The following NIBAN2 variants were observed in gnomAD, a reference collection of about 807,000 sequenced individuals.
NIBAN2 encodes the protein protein Niban 2.
In NIBAN2, 36 loss-of-function variants were observed where a neutral mutation model predicts 81.8. That is an observed-to-expected ratio of 0.44 (90% CI 0.34 to 0.58). The LOEUF is 0.58. NIBAN2 is among the 20% of genes least tolerant of loss of function. NIBAN2 has a pLI of 0.02. For missense variants in NIBAN2, 897 were observed against 1,014.1 expected, an observed-to-expected ratio of 0.88 and a Z score of 1.57; for synonymous variants, 445 against 441.6, an observed-to-expected ratio of 1.01 and a Z score of -0.10.
chr9:127,569,926 C>T (rs560582647), upstream of NIBAN2, among the ~76,000 whole-genome samples: 12 of 152,284 alleles, frequency 7.9e-5, no homozygotes, highest in East Asian at 2.3e-3. Flanking sequence ...CAGGCACCAG[C>T]CTATGGGGCT....
chr9:127,508,287 G>T lies in NIBAN2; in HGVS notation c.1435-87C>A. On this transcript the variant is annotated intron_variant, in intron 11 of 13. Coordinates refer to ENST00000373312, the MANE Select transcript of NIBAN2 (RefSeq NM_022833.4). This position sits in a 1 kb window ranked among gnomAD's most constrained non-coding sequence, Gnocchi z 6.4. ...GGACGAGGCCAGTGGTCTGACCCAAGCCTCCGAGTCCTCATCCGCACAAGA... is the reference window on the plus strand; with the variant it reads ...GGACGAGGCCAGTGGTCTGACCCAATCCTCCGAGTCCTCATCCGCACAAGA... 1 of 1,347,126 alleles carries T rather than the reference G, an allele frequency of 7.4e-7. No homozygotes were observed. The highest frequency in any genetic ancestry group is 1.1e-6 in the Non-Finnish European group (1 of 951,016). The allele number at this position is 1,347,126 out of a possible 1,614,324, so 83.4% of individuals were successfully genotyped here.
rs564652380 is a variant in NIBAN2 at position 127,531,230 on chromosome 9, C to T, written c.186+418G>A. On this transcript the variant is annotated intron_variant, in intron 2 of 13. Coordinates refer to ENST00000373312, the MANE Select transcript of NIBAN2 (RefSeq NM_022833.4). ...ATAGTGGCTCACACCTGCCTGTAAT[C>T]CCAGCATTTTGGGAGGCTAAGGCAG... Among the ~76,000 whole-genome samples, 9 of 150,640 alleles carry T rather than the reference C, an allele frequency of 6.0e-5. No homozygotes were observed. The South Asian group carries it at 1.9e-3, about 32-fold the overall frequency.
At position 127,509,138 on chromosome 9, in the gene NIBAN2, G is replaced by A. The variant is rs1312999461; in HGVS notation, c.1162-7C>T. On this transcript the variant is annotated splice_polypyrimidine_tract_variant and splice_region_variant and intron_variant, in intron 9 of 13. Transcript: ENST00000373312. ...GGGACAGCTTCTCCATGTACTGCAG[G>A]GGCCGGGGCCGCGGGGGCTGAGCAG... 1.1e-5 allele frequency: 17 copies of A among 1,606,588 alleles called. No homozygotes were observed. Among genetic ancestry groups the A allele is most frequent in the Non-Finnish European group, 1.4e-5 (17 of 1,178,330 alleles).
intron 5 of NIBAN2, among the ~76,000 whole-genome samples, chr9:127,518,921 C>T (rs1237183047): frequency 6.6e-6 from 1 of 152,144 alleles, no homozygotes; most frequent in Non-Finnish European, 1.5e-5. Flanking sequence ...TGCCTGCAAT[C>T]CCAGTACTTT....
chr9:127,552,684 G>GTTTTTTTTTTTTTTTTT (rs919155330), intron 1 of NIBAN2, among the ~76,000 whole-genome samples: 1 of 97,974 alleles, frequency 1.0e-5, no homozygotes, highest in Non-Finnish European at 2.0e-5. Flanking sequence ...TGGAATATTC[G>GTTTTTTTTTTTTTTTTT]TTTTTTTTTT....
intron 1 of NIBAN2, among the ~76,000 whole-genome samples, chr9:127,543,250 G>A (rs990176458): frequency 6.6e-6 from 1 of 152,136 alleles, no homozygotes; most frequent in Non-Finnish European, 1.5e-5. Flanking sequence ...CTCCTACCCC[G>A]AAGCTAATGG....
Position 127,508,070 on chromosome 9 carries a change from T to C in NIBAN2, c.1542+23A>G, listed in dbSNP as rs749146441. ...TCCCCCAACTTAGGGCCCAAACGGCTGGAGCAGGTGGGGGCTGCTCACCGA... is the reference window on the plus strand; with the variant it reads ...TCCCCCAACTTAGGGCCCAAACGGCCGGAGCAGGTGGGGGCTGCTCACCGA... On this transcript the variant is annotated intron_variant, in intron 12 of 13. Transcript: ENST00000373312. This position sits in a 1 kb window ranked among gnomAD's most constrained non-coding sequence, Gnocchi z 6.4. 2.5e-6 allele frequency: 4 copies of C among 1,611,728 alleles called. No homozygotes were observed. In the Admixed American group the frequency reaches 6.7e-5, roughly 27 times the overall value.
At chr9:127,534,328 C>T (rs1445012799) in intron 1 of NIBAN2, among the ~76,000 whole-genome samples, 1 of 152,214 alleles carries the variant, frequency 6.6e-6, no homozygotes, top group African/African-American at 2.4e-5. Flanking sequence ...GATGACATTT[C>T]ATTCCATCCT....
Position 127,563,854 on chromosome 9 carries a change from T to G in NIBAN2, c.55+4966A>C, listed in dbSNP as rs1837814776. The stretch of plus-strand genomic sequence containing the variant: ...AAAATCACTTTGGAAAGAAGCATTA[T>G]TTGTTTTGCTCAATAAATAATTAAG... On this transcript the variant is annotated intron_variant, in intron 1 of 13. Transcript: ENST00000373312. The surrounding 1 kb of genome is among the most constrained non-coding windows in gnomAD (Gnocchi z 4.1). Among the ~76,000 whole-genome samples, 3 of 152,188 alleles carry G rather than the reference T, an allele frequency of 2.0e-5. No individual in the cohort carries two copies. Among genetic ancestry groups the G allele is most frequent in the African/African-American group, 7.2e-5 (3 of 41,456 alleles).
rs1050916402 is a variant in NIBAN2 at position 127,508,364 on chromosome 9, G to A, written c.1434+58C>T. 24 of 1,470,478 alleles carry A rather than the reference G, an allele frequency of 1.6e-5. No individual in the cohort carries two copies. The highest frequency in any genetic ancestry group is 2.1e-5 in the Non-Finnish European group (22 of 1,060,628). 91.1% of individuals were successfully genotyped at this position (1,470,478 alleles called of 1,614,324 possible). A position where few individuals can be genotyped will look rare whatever the true frequency, so the allele number is the denominator to read the frequency against. ...AGCAATCCTGGTGGTGGCCGGGGATGAGGCTCGGGGCTCGGCCTCGCCTAG... is the reference window on the plus strand; with the variant it reads ...AGCAATCCTGGTGGTGGCCGGGGATAAGGCTCGGGGCTCGGCCTCGCCTAG... On this transcript the variant is annotated intron_variant, in intron 11 of 13. Coordinates refer to ENST00000373312, the MANE Select transcript of NIBAN2 (RefSeq NM_022833.4). The surrounding 1 kb of genome is among the most constrained non-coding windows in gnomAD (Gnocchi z 6.4).
At chr9:127,565,946 T>TCA (rs10682812) in intron 1 of NIBAN2, among the ~76,000 whole-genome samples, 3,511 of 130,562 alleles carry the variant, frequency 0.027, 106 homozygotes, top group Admixed American at 0.1. Context: ...TCTCTCTCTC[T>TCA]CACACACACA....
Position 127,523,755 on chromosome 9 carries a change from G to T in NIBAN2, c.513C>A (p.Tyr171Ter). ...ILWHPYARHY[Y>*]FCMMTEAEQD... ...GCTCGGCTTCTGTCATCATGCAGAA[G>T]TAGTAGTGACGCGCATAAGGATGCC... Residue 171 changes from tyrosine to a stop codon, truncating the protein, a stop_gained, in exon 5 of 14, where the codon TAC (tyrosine) becomes TAA (stop). Coordinates refer to ENST00000373312, the MANE Select transcript of NIBAN2 (RefSeq NM_022833.4). LOFTEE classifies it high-confidence loss of function. The T allele has an allele frequency of 6.2e-7, 1 of 1,614,102 alleles. No homozygotes were observed. Among genetic ancestry groups the T allele is most frequent in the Non-Finnish European group, 8.5e-7 (1 of 1,180,012 alleles).
At chr9:127,572,860 C>G (rs75334938), upstream of NIBAN2, among the ~76,000 whole-genome samples, 670 of 151,988 alleles carry the variant, frequency 4.4e-3, 10 homozygotes, top group East Asian at 0.065. Context: ...GCATGGGCAA[C>G]AGAATGAGAC....
In NIBAN2 at chr9:127,517,746, T is replaced by A; in HGVS notation, c.705+80A>T. On this transcript the variant is annotated intron_variant, in intron 6 of 13. Transcript: ENST00000373312. The surrounding 1 kb of genome is among the most constrained non-coding windows in gnomAD (Gnocchi z 4.0). ...ACCGGCAGCGCCCCAGAGCCCCATC[T>A]CTGTACCCCACCCCCTGCCCTCCCC... 9.4e-7 allele frequency: 1 copy of A among 1,065,526 alleles called. No homozygotes were observed. The allele number at this position is 1,065,526 out of a possible 1,614,324, so 66.0% of individuals were successfully genotyped here.
intron 1 of NIBAN2, among the ~76,000 whole-genome samples, chr9:127,540,526 G>A (rs911321842): frequency 5.9e-5 from 9 of 152,166 alleles, no homozygotes; most frequent in South Asian, 2.1e-4. Flanking sequence ...ACGTGCCCCC[G>A]ATTCTTCAAC....
Position 127,517,387 on chromosome 9 carries a change from A to C in NIBAN2, c.706-171T>G, listed in dbSNP as rs554542417. On this transcript the variant is annotated intron_variant, in intron 6 of 13. Coordinates refer to ENST00000373312, the MANE Select transcript of NIBAN2 (RefSeq NM_022833.4). This position sits in a 1 kb window ranked among gnomAD's most constrained non-coding sequence, Gnocchi z 4.0. ...CCTGAGCTCCATTCCCACAGGTCCC[A>C]ACTCATCTGCCTGGGTGTCCTGTAG... 6.6e-6 allele frequency among the ~76,000 whole-genome samples: 1 copy of C among 152,192 alleles called. No individual in the cohort carries two copies. Among genetic ancestry groups the C allele is most frequent in the East Asian group, 1.9e-4 (1 of 5,176 alleles).
intron 1 of NIBAN2, among the ~76,000 whole-genome samples, chr9:127,554,017 G>A (rs1282033257): frequency 2.0e-5 from 3 of 152,156 alleles, no homozygotes; most frequent in Admixed American, 6.5e-5. Flanking sequence ...ACTCATCACG[G>A]AGAGAGACTC....
chr9:127,562,727 G>A (rs550678872), intron 1 of NIBAN2, among the ~76,000 whole-genome samples: 1 of 152,312 alleles, frequency 6.6e-6, no homozygotes, highest in South Asian at 2.1e-4. Flanking sequence ...AAGTTGACTG[G>A]AGCCAGAAAA....
exon 1 of NIBAN2, chr9:127,578,955 C>T: frequency 2.5e-6 from 4 of 1,608,154 alleles, no homozygotes; most frequent in Non-Finnish European, 3.4e-6. Context: ...AGTGAGAGCC[C>T]CAAAAGGAAG....
Sources: gnomAD v4.1 joint callset for allele counts (sites outside exome capture counted in the v4.1 genomes callset) on GRCh38, gnomAD v4.1.1 for gene constraint, Gnocchi (gnomAD v3.1) non-coding constraint, MANE v1.5 for transcripts, NCBI Gene and HGNC (gene_info 2026-07-23, HGNC 2026-07-21) for gene names.